The following PCSK5 variants were observed in gnomAD, a reference collection of about 807,000 sequenced individuals.
The protein encoded by PCSK5 is prohormone convertase 5.
PCSK5 carries 129 observed loss-of-function variants against 233.2 expected under a neutral mutation model. That is an observed-to-expected ratio of 0.55 (90% confidence interval 0.48 to 0.64). PCSK5 has a LOEUF of 0.64. PCSK5 is among the 30% of genes least tolerant of loss of function. The pLI is 0.00. For synonymous variants in PCSK5, 825 were observed against 879.2 expected (o/e 0.94, Z 1.09); for missense variants, 2,076 against 2,430.1 (o/e 0.85, Z 3.06).
intron 2 of PCSK5, among the ~76,000 whole-genome samples, chr9:75,937,421 C>CT: frequency 6.6e-6 from 1 of 152,202 alleles, no homozygotes. Flanking sequence ...TCAGGTGATC[C>CT]TCCTGCCTTG....
chr9:76,233,669 A>T, intron 22 of PCSK5, 73 bp downstream of exon 22: 1 of 1,423,724 alleles, frequency 7.0e-7, no homozygotes, highest in Non-Finnish European at 9.7e-7. Context: ...ATTTGGTTTG[A>T]CCCAAAAGCC....
rs186246702 is a variant in PCSK5 at position 76,327,129 on chromosome 9, C to A, written c.4340-880C>A. On this transcript the variant is annotated intron_variant, in intron 32 of 37. Transcript: ENST00000674117. ...TTTTTTTTTTTTTTTTTTCCTGAGA[C>A]AGGGTCTCACTCTGTCACCCAGGCT... Among the ~76,000 whole-genome samples, 384 of 138,746 alleles carry A rather than the reference C, an allele frequency of 2.8e-3. 4 individuals carry two copies. The highest frequency in any genetic ancestry group is 4.9e-3 in the Admixed American group (64 of 13,148). 91.0% of individuals were successfully genotyped at this position (138,746 alleles called of 152,430 possible).
At chr9:76,335,209 C>T (rs1343335497) in intron 34 of PCSK5, among the ~76,000 whole-genome samples, 1 of 152,152 alleles carries the variant, frequency 6.6e-6, no homozygotes, top group Non-Finnish European at 1.5e-5. Context: ...CACTCTCAAA[C>T]ACAAAAAGGG....
intron 28 of PCSK5, among the ~76,000 whole-genome samples, chr9:76,307,781 T>G (rs1181979010): frequency 6.6e-6 from 1 of 151,464 alleles, no homozygotes; most frequent in African/African-American, 2.4e-5. Flanking sequence ...AAGAACACAG[T>G]GACCCAAACA....
intron 7 of PCSK5, among the ~76,000 whole-genome samples, chr9:76,087,802 C>T (rs7028169): frequency 0.24 from 37,183 of 151,940 alleles, 5,399 homozygotes; most frequent in African/African-American, 0.41. Flanking sequence ...AATCATAATA[C>T]GGACTACCTG....
chr9:76,099,338 C>T (rs1323018292), intron 8 of PCSK5, among the ~76,000 whole-genome samples: 2 of 152,114 alleles, frequency 1.3e-5, no homozygotes, highest in African/African-American at 4.8e-5. Flanking sequence ...CCAGCACCTA[C>T]CTCAGAGATT....
rs529112484 is a variant in PCSK5 at position 76,053,753 on chromosome 9, C to T, written c.633-14202C>T. On this transcript the variant is annotated intron_variant, in intron 5 of 37. Coordinates refer to ENST00000674117, the MANE Select transcript of PCSK5 (RefSeq NM_001372043.1). ...CCATTCAACATGTCTCTACGAAGTT[C>T]CAAACTTTCCCACTTTTTCCTGTCT... Among the ~76,000 whole-genome samples the T allele has an allele frequency of 3.3e-5, 5 of 152,284 alleles. No individual in the cohort carries two copies. In the East Asian group the frequency reaches 9.7e-4, roughly 29 times the overall value.
chr9:75,942,575 G>A (rs116831435), intron 2 of PCSK5, among the ~76,000 whole-genome samples: 169 of 152,256 alleles, frequency 1.1e-3, no homozygotes, highest in African/African-American at 3.6e-3. Flanking sequence ...GTTGTGGAGC[G>A]AAGGCTGCCA....
chr9:76,049,086 G>A (rs1404744462), intron 5 of PCSK5, among the ~76,000 whole-genome samples: 1 of 148,978 alleles, frequency 6.7e-6, no homozygotes, highest in Non-Finnish European at 1.5e-5. Flanking sequence ...CAGTTTTTAT[G>A]TTTTCAAAGG....
At chr9:76,227,478 T>G in intron 20 of PCSK5, 25 bp from the exon 21 acceptor site, 1 of 1,536,632 alleles carries the variant, frequency 6.5e-7, no homozygotes, top group Admixed American at 1.7e-5. Flanking sequence ...AGAAATGAAA[T>G]AAACAACTAG....
At chr9:76,033,148 C>T (rs1473912928) in intron 5 of PCSK5, among the ~76,000 whole-genome samples, 1 of 152,132 alleles carries the variant, frequency 6.6e-6, no homozygotes, top group African/African-American at 2.4e-5. Flanking sequence ...TTTCTGTAGA[C>T]AAGGACTGTT....
At chr9:75,934,305 C>A (rs1032568987) in intron 2 of PCSK5, among the ~76,000 whole-genome samples, 2 of 152,340 alleles carry the variant, frequency 1.3e-5, no homozygotes, top group Middle Eastern at 3.4e-3. Flanking sequence ...TTACACAGGA[C>A]AGCCACGGTT....
At chr9:76,009,641 A>T (rs1158012413) in intron 3 of PCSK5, among the ~76,000 whole-genome samples, 1 of 151,854 alleles carries the variant, frequency 6.6e-6, no homozygotes, top group African/African-American at 2.4e-5. Flanking sequence ...AAAAAAAAAA[A>T]ACAAAAAAGA....
intron 35 of PCSK5, among the ~76,000 whole-genome samples, chr9:76,343,462 C>G (rs937209588): frequency 6.6e-5 from 10 of 151,816 alleles, no homozygotes; most frequent in Admixed American, 2.0e-4. Flanking sequence ...CTCAGCCTCC[C>G]AAAGTGCTGG....
intron 9 of PCSK5, among the ~76,000 whole-genome samples, chr9:76,108,525 C>G (rs12337467): frequency 6.6e-6 from 1 of 152,152 alleles, no homozygotes; most frequent in Non-Finnish European, 1.5e-5. Flanking sequence ...GAGGCCAAGG[C>G]GGGTGGATCA....
chr9:76,103,259 G>A (rs1398409915), intron 8 of PCSK5, among the ~76,000 whole-genome samples: 3 of 152,152 alleles, frequency 2.0e-5, no homozygotes, highest in Non-Finnish European at 4.4e-5. Flanking sequence ...CACAATTCTA[G>A]TTCAAATCAA....
chr9:76,103,181 C>T (rs1462653509), intron 8 of PCSK5, among the ~76,000 whole-genome samples: 2 of 152,098 alleles, frequency 1.3e-5, no homozygotes, highest in Non-Finnish European at 2.9e-5. Context: ...CTATTTTAGT[C>T]ATTGACACAT....
At position 76,240,604 on chromosome 9, in the gene PCSK5, C is replaced by G. The variant is rs780435188; in HGVS notation, c.3074-12C>G. 3 of 1,555,046 alleles carry G rather than the reference C, an allele frequency of 1.9e-6. No individual in the cohort carries two copies. Among genetic ancestry groups the G allele is most frequent in the Non-Finnish European group, 2.6e-6 (3 of 1,143,150 alleles). On this transcript the variant is annotated splice_polypyrimidine_tract_variant and intron_variant, in intron 23 of 37. Coordinates refer to ENST00000674117, the MANE Select transcript of PCSK5 (RefSeq NM_001372043.1). ...GAAATGAGTTGTGTTTTTCACTTCT[C>G]TGTCTGTGTAGGTGAAGTCCAAGAC...
intron 9 of PCSK5, among the ~76,000 whole-genome samples, chr9:76,122,432 G>A (rs1168661184): frequency 1.3e-5 from 2 of 152,080 alleles, no homozygotes. Context: ...TTCACTTGCT[G>A]TTTGATAGAA....
Sources: gnomAD v4.1 joint callset for allele counts (sites outside exome capture counted in the v4.1 genomes callset) on GRCh38, gnomAD v4.1.1 for gene constraint, MANE v1.5 for transcripts, NCBI Gene and HGNC (gene_info 2026-07-23, HGNC 2026-07-21) for gene names.